Variants in SORT1 observed in about 807,000 individuals in gnomAD.
SORT1 encodes the protein sortilin 1, also known as sortilin.
Under a neutral mutation model 101.7 loss-of-function variants are expected in SORT1, and 39 were observed. The observed-to-expected ratio is 0.38, with a 90% CI of 0.30 to 0.50. The LOEUF is 0.50. Ranked by LOEUF, SORT1 falls within the 20% of genes least tolerant of loss-of-function variation. The pLI is 0.90. For missense variants in SORT1, 878 were observed against 1,040.4 expected (o/e 0.84, Z 2.15); for synonymous variants, 396 against 393.7 (o/e 1.01, Z -0.07).
At chr1:109,379,913 C>T (rs1017350326) in intron 1 of SORT1, among the ~76,000 whole-genome samples, 96 of 152,080 alleles carry the variant, frequency 6.3e-4, no homozygotes, top group Non-Finnish European at 1.3e-3. Flanking sequence ...TTCCTAACTC[C>T]CTTCTTAAAA....
At chr1:109,385,734 C>A (rs1159388179) in intron 1 of SORT1, among the ~76,000 whole-genome samples, 2 of 152,132 alleles carry the variant, frequency 1.3e-5, no homozygotes, top group African/African-American at 2.4e-5. Flanking sequence ...GTTCTCTCTG[C>A]CTGAGATACT....
Position 109,350,811 on chromosome 1 carries a change from T to C in SORT1, c.782+118A>G, listed in dbSNP as rs555557250. 3.9e-5 allele frequency: 29 copies of C among 745,624 alleles called. No homozygotes were observed. In the East Asian group the frequency reaches 3.9e-4, roughly 10 times the overall value. 46.2% of individuals were successfully genotyped at this position (745,624 alleles called of 1,614,324 possible). On this transcript the variant is annotated intron_variant, in intron 6 of 19. Transcript: ENST00000256637. Reference sequence around the variant, plus strand: ...TCACACCCCTCTCCAATATCTCTTATGGCACCCTGAAGAGTACTTGGCACA... The same window carrying C: ...TCACACCCCTCTCCAATATCTCTTACGGCACCCTGAAGAGTACTTGGCACA...
chr1:109,367,637 T>C (rs555004316), intron 2 of SORT1, among the ~76,000 whole-genome samples, 156 bp from the exon 3 acceptor site: 5 of 152,320 alleles, frequency 3.3e-5, no homozygotes, highest in Admixed American at 2.6e-4. Context: ...GGGCTGAGAA[T>C]GATGAGAAAG....
chr1:109,390,769 G>C (rs868045254), intron 1 of SORT1, among the ~76,000 whole-genome samples: 1 of 139,706 alleles, frequency 7.2e-6, no homozygotes, highest in Admixed American at 7.0e-5. Flanking sequence ...GTGTGTGTGT[G>C]TATGTGTGTG....
intron 9 of SORT1, 24 bp downstream of exon 9, chr1:109,341,990 G>C (rs1241146350): frequency 9.3e-6 from 15 of 1,604,390 alleles, no homozygotes; most frequent in Admixed American, 3.3e-5. Context: ...TGCTTTTAAG[G>C]GTAAGCCACT....
chr1:109,392,885 A>G, intron 1 of SORT1: 1 of 985,274 alleles, frequency 1.0e-6, no homozygotes. Flanking sequence ...TCCTTGATCC[A>G]AAGCTGAATG....
chr1:109,358,831 C>T (rs1334916078), intron 3 of SORT1, among the ~76,000 whole-genome samples: 1 of 147,560 alleles, frequency 6.8e-6, no homozygotes, highest in Non-Finnish European at 1.5e-5. Context: ...GCAGCCTGGG[C>T]GACAGAGTGA....
At position 109,313,650 on chromosome 1, in the gene SORT1, T is replaced by G; in HGVS notation, c.*393A>C. 3.9e-6 allele frequency: 1 copy of G among 255,070 alleles called. No individual in the cohort carries two copies. The highest frequency in any genetic ancestry group is 1.3e-3 in the Middle Eastern group (1 of 746). The allele number at this position is 255,070 out of a possible 1,614,324, so 15.8% of individuals were successfully genotyped here. A position where few individuals can be genotyped will look rare whatever the true frequency, so the allele number is the denominator to read the frequency against. Reference sequence around the variant, plus strand: ...ATGGTACCAAGTACACTGTGAGAGCTGATACTGGAGTTGGCAGATGCCCTG... The same window carrying G: ...ATGGTACCAAGTACACTGTGAGAGCGGATACTGGAGTTGGCAGATGCCCTG... On this transcript the variant is annotated 3_prime_UTR_variant, in exon 20 of 20. Transcript: ENST00000256637.
intron 11 of SORT1, among the ~76,000 whole-genome samples, chr1:109,334,268 G>C (rs1361518665): frequency 6.6e-6 from 1 of 152,200 alleles, no homozygotes; most frequent in Non-Finnish European, 1.5e-5. Flanking sequence ...GTCCACTGCA[G>C]TATTATTCAC....
intron 3 of SORT1, among the ~76,000 whole-genome samples, chr1:109,363,676 T>C (rs1026897081): frequency 2.0e-5 from 3 of 152,208 alleles, no homozygotes; most frequent in African/African-American, 7.2e-5. Flanking sequence ...ATTTGCTGTT[T>C]TTTATTTCAA....
chr1:109,397,562 G>T (rs968298558), intron 1 of SORT1, 25 bp downstream of exon 1: 6 of 1,163,246 alleles, frequency 5.2e-6, no homozygotes, highest in Non-Finnish European at 6.4e-6. Context: ...CACCCGAGCG[G>T]CTCCCGGGCC....
chr1:109,388,526 T>C (rs1333666025), intron 1 of SORT1, among the ~76,000 whole-genome samples: 1 of 152,160 alleles, frequency 6.6e-6, no homozygotes, highest in African/African-American at 2.4e-5. Context: ...TAGGTGTGAG[T>C]CACCCTGCTT....
intron 18 of SORT1, 54 bp downstream of exon 18, chr1:109,314,618 G>GAT: frequency 7.7e-7 from 1 of 1,293,632 alleles, no homozygotes; most frequent in Non-Finnish European, 1.1e-6. Context: ...ATATGCCCTA[G>GAT]ATCAGCCTTC....
chr1:109,354,667 G>A, intron 4 of SORT1, 136 bp from the exon 5 acceptor site: 3 of 661,202 alleles, frequency 4.5e-6, no homozygotes, highest in Non-Finnish European at 7.8e-6. Context: ...AAACTGATTA[G>A]TTGTTCCACT....
chr1:109,315,003 A>G (rs1002134000), intron 17 of SORT1, among the ~76,000 whole-genome samples: 1 of 152,224 alleles, frequency 6.6e-6, no homozygotes, highest in African/African-American at 2.4e-5. Flanking sequence ...TGAACCTTCA[A>G]ATTCTGTGGT....
chr1:109,316,788 A>G, intron 17 of SORT1, 62 bp downstream of exon 17: 1 of 1,095,442 alleles, frequency 9.1e-7, no homozygotes, highest in East Asian at 2.4e-5. Context: ...TTTAACTTTG[A>G]TTTTTCTTAG....
intron 1 of SORT1, among the ~76,000 whole-genome samples, chr1:109,386,368 CCA>C (rs1173368367): frequency 1.3e-5 from 2 of 152,146 alleles, no homozygotes; most frequent in East Asian, 3.9e-4. Flanking sequence ...ATGGCACAGT[CCA>C]AAATTATAGA....
intron 1 of SORT1, among the ~76,000 whole-genome samples, chr1:109,378,744 ATATATATATATATAT>A (rs1652032434): frequency 1.1e-5 from 1 of 89,624 alleles, no homozygotes; most frequent in African/African-American, 4.8e-5. Context: ...ATATATATAT[ATATATATATATATAT>A]ATAAAGATGT....
At chr1:109,388,332 G>A (rs908733603) in intron 1 of SORT1, among the ~76,000 whole-genome samples, 2 of 152,078 alleles carry the variant, frequency 1.3e-5, no homozygotes, top group Non-Finnish European at 2.9e-5. Context: ...CAAAACTCCT[G>A]GGCTCAAGTG....
Sources: allele counts gnomAD v4.1 joint callset (sites outside exome capture counted in the v4.1 genomes callset), GRCh38; gene constraint gnomAD v4.1.1; transcripts MANE v1.5; gene names NCBI Gene and HGNC (gene_info 2026-07-23, HGNC 2026-07-21).